ERCC1: variants seen among roughly 807,000 people sequenced by gnomAD.
ERCC1 encodes the protein DNA excision repair protein ERCC-1.
ERCC1 carries 36 observed loss-of-function variants against 37.6 expected under a neutral mutation model. The ratio of observed to expected loss-of-function variants is 0.96; its 90% CI spans 0.73 to 1.26. The LOEUF (loss-of-function observed/expected upper bound fraction) is 1.26. Among genes scored for constraint, ERCC1 ranks in the 50% most tolerant of loss-of-function variants. The pLI is 0.00. For missense variants in ERCC1, 349 were observed against 376.5 expected, an observed-to-expected ratio of 0.93 and a Z score of 0.60; for synonymous variants, 156 against 162.1, an observed-to-expected ratio of 0.96 and a Z score of 0.28.
At chr19:45,426,492 G>C (rs1402196240), upstream of ERCC1, among the ~76,000 whole-genome samples, 1 of 150,784 alleles carries the variant, frequency 6.6e-6, no homozygotes, top group Non-Finnish European at 1.5e-5. Context: ...CAAAGGTTGC[G>C]GTGAGCTGAG....
chr19:45,411,323 T>C (rs1168856729), intron 9 of ERCC1, among the ~76,000 whole-genome samples: 1 of 130,350 alleles, frequency 7.7e-6, no homozygotes, highest in African/African-American at 3.6e-5. Context: ...GTGGGATTGC[T>C]GGATCATGTG....
At chr19:45,425,082 ATTTTTTTT>A (rs35314737), upstream of ERCC1, among the ~76,000 whole-genome samples, 286 of 116,948 alleles carry the variant, frequency 2.4e-3, 2 homozygotes, top group African/African-American at 5.6e-3. Flanking sequence ...TGCCCGGCTA[ATTTTTTTT>A]TTTTTTTTTT....
At position 45,420,224 on chromosome 19, in the gene ERCC1, CCA is replaced by C; in HGVS notation, c.425+98_425+99del. On this transcript the variant is annotated intron_variant, in intron 4 of 9. Transcript: ENST00000300853. This position sits in a 1 kb window ranked among gnomAD's most constrained non-coding sequence, Gnocchi z 4.8. Reference sequence around the variant, plus strand: ...AGGCCCAGAACCTGCAGGACCATGCCCAGAGGCTTCTCATAGAACAGTCCAGA... The same window carrying C: ...AGGCCCAGAACCTGCAGGACCATGCCGAGGCTTCTCATAGAACAGTCCAGA... 9 of 825,626 alleles carry C rather than the reference CCA, an allele frequency of 1.1e-5. No individual in the cohort carries two copies. The South Asian group carries it at 1.3e-4, about 12-fold the overall frequency. 51.1% of individuals were successfully genotyped at this position (825,626 alleles called of 1,614,324 possible).
chr19:45,416,696 A>C, intron 6 of ERCC1, 125 bp downstream of exon 6: 1 of 723,938 alleles, frequency 1.4e-6, no homozygotes, highest in Non-Finnish European at 2.5e-6. Flanking sequence ...TGAAGGCCAG[A>C]GAGAGGCAGT....
chr19:45,427,262 C>T (rs531924646), upstream of ERCC1, among the ~76,000 whole-genome samples: 14 of 152,160 alleles, frequency 9.2e-5, no homozygotes, highest in African/African-American at 2.9e-4. Flanking sequence ...AGGTGGCTCA[C>T]GCCTAGTAGG....
chr19:45,446,319 A>T (rs12610932), intron 1 of ERCC1, among the ~76,000 whole-genome samples: 36,616 of 151,966 alleles, frequency 0.24, 4,635 homozygotes, highest in Admixed American at 0.33. Flanking sequence ...GGTGACTTGG[A>T]CTAGGAGGTA....
At position 45,438,145 on chromosome 19, in the gene ERCC1, C is replaced by T. The variant is rs191523340; in HGVS notation, c.-7-14764G>A. Among the ~76,000 whole-genome samples the T allele has an allele frequency of 1.5e-4, 23 of 152,194 alleles. 1 individual carries two copies. The East Asian group carries it at 4.3e-3, about 28-fold the overall frequency. ...CAGGATGGTGTCGATCTCCTGACCT[C>T]GTGATCCACCCGCCTCCGTCTCCCA... On this transcript the variant is annotated intron_variant, in intron 1 of 8. Transcript: ENST00000423698.
In ERCC1 at chr19:45,409,737, G is replaced by A. The variant is rs780656778; in HGVS notation, c.844-12C>T. On this transcript the variant is annotated splice_polypyrimidine_tract_variant and intron_variant, in intron 9 of 9. Transcript: ENST00000300853. ...AACAGCCTCCGGGCCTGGATGGGAG[G>A]GAGAAAAAAATGAGGAACCAGTCAT... is the stretch of plus-strand genomic sequence containing the variant. 3.7e-6 allele frequency: 3 copies of A among 803,906 alleles called. No homozygotes were observed. The highest frequency in any genetic ancestry group is 2.7e-5 in the South Asian group (2 of 73,916). The allele number at this position is 803,906 out of a possible 1,614,324, so 49.8% of individuals were successfully genotyped here. A position where few individuals can be genotyped will look rare whatever the true frequency, so the allele number is the denominator to read the frequency against.
In ERCC1 at chr19:45,408,793, C is replaced by T; in HGVS notation, c.*882G>A. 1 of 1,613,902 alleles carries T rather than the reference C, an allele frequency of 6.2e-7. No homozygotes were observed. The highest frequency in any genetic ancestry group is 8.5e-7 in the Non-Finnish European group (1 of 1,179,998). On this transcript the variant is annotated 3_prime_UTR_variant, in exon 10 of 10. Transcript: ENST00000300853. The stretch of plus-strand genomic sequence containing the variant: ...AGACAGTGAAGCAGGAACAGATTAA[C>T]ACTGAGCCTCTAGAAGACACAGTCC...
chr19:45,434,445 T>G (rs1357664517), intron 1 of ERCC1, among the ~76,000 whole-genome samples: 2 of 151,904 alleles, frequency 1.3e-5, no homozygotes, highest in East Asian at 3.9e-4. Context: ...AGGGCCATGA[T>G]CATGACAATG....
intron 2 of ERCC1, among the ~76,000 whole-genome samples, chr19:45,422,113 A>T (rs746498089): frequency 5.3e-5 from 8 of 151,292 alleles, no homozygotes; most frequent in Non-Finnish European, 1.2e-4. Flanking sequence ...CCTTGCCCAC[A>T]CCCTCGCCCC....
chr19:45,450,181 C>T (rs2123629193), intron 1 of ERCC1, among the ~76,000 whole-genome samples: 1 of 152,270 alleles, frequency 6.6e-6, no homozygotes, highest in East Asian at 1.9e-4. Flanking sequence ...GGTAACTAAA[C>T]CCAGTCCTTG....
chr19:45,409,640 T>A lies in ERCC1; in HGVS notation c.*35A>T. The A allele has an allele frequency of 6.8e-7, 1 of 1,477,576 alleles. No homozygotes were observed. The highest frequency in any genetic ancestry group is 9.5e-7 in the Non-Finnish European group (1 of 1,058,108). 91.5% of individuals were successfully genotyped at this position (1,477,576 alleles called of 1,614,324 possible). On this transcript the variant is annotated 3_prime_UTR_variant, in exon 10 of 10. Coordinates refer to ENST00000300853, the MANE Select transcript of ERCC1 (RefSeq NM_001983.4). ...AGCCTGGCCTGGGAGGACGATTTATTATTACACTGGGGGTTTCCTTGGCAG... is the reference window on the plus strand; with the variant it reads ...AGCCTGGCCTGGGAGGACGATTTATAATTACACTGGGGGTTTCCTTGGCAG...
chr19:45,445,641 C>T (rs1042914225), intron 1 of ERCC1, among the ~76,000 whole-genome samples: 1 of 152,022 alleles, frequency 6.6e-6, no homozygotes, highest in African/African-American at 2.4e-5. Flanking sequence ...GATATGTGGC[C>T]TAAGCAAGTG....
chr19:45,421,415 G>A (rs754987606), intron 2 of ERCC1, 22 bp from the exon 3 acceptor site: 2 of 1,568,544 alleles, frequency 1.3e-6, no homozygotes, highest in African/African-American at 2.7e-5. Context: ...AAGGGAGTTT[G>A]CAGGGGACTG....
chr19:45,444,263 T>C, intron 1 of ERCC1, among the ~76,000 whole-genome samples: 2 of 143,144 alleles, frequency 1.4e-5, no homozygotes, highest in African/African-American at 2.6e-5. Context: ...TGTTCCCCAT[T>C]TCCCCCCCTC....
chr19:45,451,054 G>C (rs917095039), intron 1 of ERCC1, among the ~76,000 whole-genome samples: 26 of 152,170 alleles, frequency 1.7e-4, no homozygotes, highest in African/African-American at 6.0e-4. Flanking sequence ...GGGAGCCCGG[G>C]GCGGGGGGTG....
At chr19:45,412,524 C>T (rs537686932) in intron 9 of ERCC1, among the ~76,000 whole-genome samples, 2 of 152,258 alleles carry the variant, frequency 1.3e-5, no homozygotes, top group East Asian at 3.9e-4. Context: ...CATATGCCTG[C>T]TTGCCATTTG....
At chr19:45,441,219 C>T (rs990086400) in intron 1 of ERCC1, among the ~76,000 whole-genome samples, 13 of 152,066 alleles carry the variant, frequency 8.5e-5, no homozygotes, top group African/African-American at 3.1e-4. Flanking sequence ...GCATCAGTGT[C>T]AGGCCTCAAG....
Sources: allele counts gnomAD v4.1 joint callset (sites outside exome capture counted in the v4.1 genomes callset), GRCh38; gene constraint gnomAD v4.1.1; non-coding constraint Gnocchi (gnomAD v3.1); transcripts MANE v1.5; gene names NCBI Gene and HGNC (gene_info 2026-07-23, HGNC 2026-07-21).